Variants in MMD2 observed in about 807,000 individuals in gnomAD.
MMD2 encodes monocyte to macrophage differentiation factor 2.
In MMD2, 30 loss-of-function variants were observed where a neutral mutation model predicts 33.5. The ratio of observed to expected loss-of-function variants is 0.90; its 90% CI spans 0.67 to 1.22. MMD2 has a LOEUF of 1.22. MMD2 is among the 50% of genes most tolerant of loss of function. The probability of loss-of-function intolerance (pLI) is 0.00; values close to 1 mark genes in which losing one functional copy is unlikely to be tolerated. For synonymous variants in MMD2, 129 were observed against 123.0 expected (o/e 1.05, Z -0.32); for missense variants, 364 against 325.4 (o/e 1.12, Z -0.91).
chr7:4,955,365 T>C (rs911237140), intron 1 of MMD2, among the ~76,000 whole-genome samples: 3 of 152,186 alleles, frequency 2.0e-5, no homozygotes, highest in Non-Finnish European at 2.9e-5. Flanking sequence ...TTAGCTGGCC[T>C]ACCACCCGCT....
intron 1 of MMD2, among the ~76,000 whole-genome samples, chr7:4,942,791 T>A (rs962300178): frequency 2.0e-5 from 3 of 151,300 alleles, no homozygotes; most frequent in Non-Finnish European, 4.4e-5. Flanking sequence ...TTTTTGTTTG[T>A]TTTTTAGTAG....
At chr7:4,954,169 C>G (rs1167572996) in intron 1 of MMD2, among the ~76,000 whole-genome samples, 1 of 152,174 alleles carries the variant, frequency 6.6e-6, no homozygotes, top group Non-Finnish European at 1.5e-5. Flanking sequence ...AAAGTGGTAT[C>G]TCATTTTGCA....
At chr7:4,901,581 C>T (rs770027367), downstream of MMD2, among the ~76,000 whole-genome samples, 26 of 152,230 alleles carry the variant, frequency 1.7e-4, no homozygotes, top group Non-Finnish European at 2.8e-4. Context: ...GCCCAAGGGT[C>T]TTGCACACTG....
At chr7:4,898,267 C>T in the MMD2 span, among the ~76,000 whole-genome samples, 1 of 152,176 alleles carries the variant, frequency 6.6e-6, no homozygotes, top group South Asian at 2.1e-4. Context: ...TTACCTGTCC[C>T]CACATGGCCT....
chr7:4,930,722 C>A (rs147794901), intron 1 of MMD2, among the ~76,000 whole-genome samples: 3 of 151,910 alleles, frequency 2.0e-5, no homozygotes, highest in Non-Finnish European at 2.9e-5. Flanking sequence ...AGCCATGTGA[C>A]GGTGGAGGCA....
downstream of MMD2, among the ~76,000 whole-genome samples, chr7:4,904,380 G>T (rs947973597): frequency 6.6e-5 from 10 of 152,202 alleles, no homozygotes; most frequent in African/African-American, 2.2e-4. Context: ...CTGGGCTTGG[G>T]TGAAATGGAA....
intron 1 of MMD2, among the ~76,000 whole-genome samples, chr7:4,956,947 C>T (rs1156770636): frequency 6.6e-6 from 1 of 152,056 alleles, no homozygotes; most frequent in Non-Finnish European, 1.5e-5. Context: ...GAGAGGATCA[C>T]TTGAGCCCAG....
At chr7:4,911,109 A>C in intron 5 of MMD2, 36 bp downstream of exon 5, 1 of 1,521,458 alleles carries the variant, frequency 6.6e-7, no homozygotes, top group South Asian at 1.2e-5. Context: ...CATCTAAGGG[A>C]ATCCCGCCTC....
In MMD2 at chr7:4,946,774, C is replaced by T. The variant is rs1786097579; in HGVS notation, c.47+12197G>A. Among the ~76,000 whole-genome samples, 1 of 152,120 alleles carries T rather than the reference C, an allele frequency of 6.6e-6. No individual in the cohort carries two copies. Among genetic ancestry groups the T allele is most frequent in the African/African-American group, 2.4e-5 (1 of 41,428 alleles). On this transcript the variant is annotated intron_variant, in intron 1 of 6. Coordinates refer to ENST00000401401, the MANE Select transcript of MMD2 (RefSeq NM_198403.4). This position sits in a 1 kb window ranked among gnomAD's most constrained non-coding sequence, Gnocchi z 5.0. ...AGAGACAGGGTCTGGTTCTGTTGCC[C>T]AAGCTGGAGTGCAGTGGTGCAATCA... is the stretch of plus-strand genomic sequence containing the variant.
chr7:4,930,440 G>A (rs1785549711), intron 1 of MMD2, among the ~76,000 whole-genome samples: 1 of 151,742 alleles, frequency 6.6e-6, no homozygotes. Flanking sequence ...AGGAGTTTAA[G>A]ACCAGCCTGG....
At position 4,922,745 on chromosome 7, in the gene MMD2, T is replaced by A. The variant is rs111451700; in HGVS notation, c.130-2414A>T. ...ACATGCCACTGCGCCTGGCTCCTAG[T>A]TTGTGCTATTTTGCGATCACCTACC... is the stretch of plus-strand genomic sequence containing the variant. On this transcript the variant is annotated intron_variant, in intron 2 of 6. Transcript: ENST00000401401. 3.8e-3 allele frequency among the ~76,000 whole-genome samples: 575 copies of A among 152,078 alleles called. 2 individuals carry two copies. The highest frequency in any genetic ancestry group is 0.013 in the African/African-American group (544 of 41,506).
At chr7:4,917,114 A>C (rs1429966547) in intron 3 of MMD2, among the ~76,000 whole-genome samples, 1 of 152,018 alleles carries the variant, frequency 6.6e-6, no homozygotes, top group Non-Finnish European at 1.5e-5. Context: ...GCCCCTCAAG[A>C]CTGTCTGGGA....
chr7:4,909,684 C>T (rs747851958), intron 6 of MMD2, 197 bp downstream of exon 6: 1 of 772,484 alleles, frequency 1.3e-6, no homozygotes, highest in South Asian at 1.5e-5. Context: ...TATCCTCCCA[C>T]CTCAGCCTCC....
chr7:4,931,236 C>G (rs1785578706), intron 1 of MMD2, among the ~76,000 whole-genome samples: 1 of 152,148 alleles, frequency 6.6e-6, no homozygotes, highest in Non-Finnish European at 1.5e-5. Context: ...GCCTCGACCT[C>G]CTGGGCTCGA....
chr7:4,920,047 C>A, intron 3 of MMD2, 124 bp downstream of exon 3: 1 of 1,169,302 alleles, frequency 8.6e-7, no homozygotes, highest in Non-Finnish European at 1.2e-6. Flanking sequence ...CCAGCCCAGC[C>A]CCTCCCAGCT....
intron 1 of MMD2, among the ~76,000 whole-genome samples, chr7:4,942,285 G>GGC (rs940524364): frequency 7.2e-6 from 1 of 138,730 alleles, no homozygotes; most frequent in African/African-American, 3.3e-5. Flanking sequence ...CTGTAGAGAT[G>GGC]GGGGGGGTCT....
chr7:4,957,848 C>A (rs1054049914), intron 1 of MMD2, among the ~76,000 whole-genome samples: 1 of 152,166 alleles, frequency 6.6e-6, no homozygotes, highest in Non-Finnish European at 1.5e-5. Flanking sequence ...TCCGTCCTGT[C>A]CGCCAGCCTT....
chr7:4,934,911 C>T (rs562776450), intron 1 of MMD2, among the ~76,000 whole-genome samples: 12 of 152,262 alleles, frequency 7.9e-5, no homozygotes, highest in Admixed American at 3.9e-4. Context: ...TAAGGCCGAG[C>T]GGGGTGGCTC....
chr7:4,940,392 AC>A lies in MMD2; in HGVS notation c.48-14861del, dbSNP rs1267449572. The stretch of plus-strand genomic sequence containing the variant: ...CGGGCCCCGGAACGCGGCTGCAGCC[AC>A]CCCTCCCAGGCTGGGCTGGTGCCTG... On this transcript the variant is annotated intron_variant, in intron 1 of 6. Transcript: ENST00000401401. This position sits in a 1 kb window ranked among gnomAD's most constrained non-coding sequence, Gnocchi z 5.0. Among the ~76,000 whole-genome samples the A allele has an allele frequency of 5.3e-5, 8 of 152,078 alleles. No homozygotes were observed. The highest frequency in any genetic ancestry group is 1.0e-4 in the Non-Finnish European group (7 of 68,002).
Sources: allele counts gnomAD v4.1 joint callset (sites outside exome capture counted in the v4.1 genomes callset), GRCh38; gene constraint gnomAD v4.1.1; non-coding constraint Gnocchi (gnomAD v3.1); transcripts MANE v1.5; gene names NCBI Gene and HGNC (gene_info 2026-07-23, HGNC 2026-07-21).